Variants in RAB10 observed in about 807,000 individuals in gnomAD.
RAB10 encodes RAB10, member RAS oncogene family, also known as ras-related protein Rab-10.
In RAB10, 5 loss-of-function variants were observed where a neutral mutation model predicts 25.7. The observed-to-expected ratio is 0.19, with a 90% confidence interval of 0.10 to 0.41. The LOEUF is 0.41. RAB10 is among the 10% of genes least tolerant of loss of function. The pLI is 1.00. For missense variants in RAB10, 103 were observed against 245.8 expected (o/e 0.42, Z 3.89); for synonymous variants, 89 against 86.4 (o/e 1.03, Z -0.16).
intron 3 of RAB10, among the ~76,000 whole-genome samples, chr2:26,122,420 A>T (rs1667823408): frequency 1.3e-5 from 2 of 152,178 alleles, no homozygotes; most frequent in Admixed American, 6.5e-5. Flanking sequence ...CGAGGTCAGG[A>T]GATCGAGACC....
At chr2:26,089,439 G>T (rs1268774218) in intron 1 of RAB10, among the ~76,000 whole-genome samples, 1 of 145,660 alleles carries the variant, frequency 6.9e-6, no homozygotes, top group Admixed American at 6.9e-5. Flanking sequence ...AAAAAAAAAA[G>T]AGAGAGTGAT....
chr2:26,098,123 T>TTTTTTTTTTTTTTTTTTTTTTG, intron 1 of RAB10, among the ~76,000 whole-genome samples: 1 of 132,196 alleles, frequency 7.6e-6, no homozygotes, highest in Non-Finnish European at 1.6e-5. Flanking sequence ...TTTTTTTTTT[T>TTTTTTTTTTTTTTTTTTTTTTG]TTTTTTTTTT....
chr2:26,116,562 T>TG (rs1667692964), intron 3 of RAB10, among the ~76,000 whole-genome samples: 1 of 132,420 alleles, frequency 7.6e-6, no homozygotes, highest in Non-Finnish European at 1.7e-5. Flanking sequence ...TTTTTTTTTT[T>TG]TTTTTTTTTT....
chr2:26,135,087 A>T lies in RAB10; in HGVS notation c.*66A>T. The T allele has an allele frequency of 1.5e-6, 2 of 1,299,990 alleles. No homozygotes were observed. Among genetic ancestry groups the T allele is most frequent in the Non-Finnish European group, 1.1e-6 (1 of 922,966 alleles). The allele number at this position is 1,299,990 out of a possible 1,614,324, so 80.5% of individuals were successfully genotyped here. A position where few individuals can be genotyped will look rare whatever the true frequency, so the allele number is the denominator to read the frequency against. On this transcript the variant is annotated 3_prime_UTR_variant, in exon 6 of 6. Transcript: ENST00000264710. Reference sequence around the variant, plus strand: ...TTCTCTTCTTGCTGCAAAATAAACCACTCTGTCCATTTTTAACTCTAAACA... The same window carrying T: ...TTCTCTTCTTGCTGCAAAATAAACCTCTCTGTCCATTTTTAACTCTAAACA...
intron 1 of RAB10, among the ~76,000 whole-genome samples, chr2:26,040,993 C>T (rs751315385): frequency 6.6e-6 from 1 of 151,198 alleles, no homozygotes; most frequent in Non-Finnish European, 1.5e-5. Context: ...AAAACGAATC[C>T]AAGGGCACCA....
chr2:26,070,156 G>A (rs148235406), intron 1 of RAB10, among the ~76,000 whole-genome samples: 165 of 152,342 alleles, frequency 1.1e-3, no homozygotes, highest in East Asian at 7.3e-3. Flanking sequence ...GAAATTATGC[G>A]TCCTTGGCTT....
chr2:26,065,239 A>C (rs76535621), intron 1 of RAB10, among the ~76,000 whole-genome samples: 1 of 152,118 alleles, frequency 6.6e-6, no homozygotes, highest in Non-Finnish European at 1.5e-5. Context: ...GAAAAAAAAA[A>C]CATGACCCAG....
chr2:26,086,003 A>G (rs59048078), intron 1 of RAB10, among the ~76,000 whole-genome samples: 2 of 141,962 alleles, frequency 1.4e-5, no homozygotes, highest in Middle Eastern at 3.3e-3. Flanking sequence ...GTCTCCAAAA[A>G]AAAAAAAAAA....
intron 1 of RAB10, among the ~76,000 whole-genome samples, chr2:26,057,027 A>G (rs1666281704): frequency 6.6e-6 from 1 of 152,144 alleles, no homozygotes; most frequent in Non-Finnish European, 1.5e-5. Context: ...TATGCCACGT[A>G]TTTCTGGTAC....
At chr2:26,078,062 TTAAAG>T (rs1341712341) in intron 1 of RAB10, among the ~76,000 whole-genome samples, 10 of 151,976 alleles carry the variant, frequency 6.6e-5, no homozygotes, top group Admixed American at 6.6e-5. Flanking sequence ...CATCCAAAAA[TTAAAG>T]TAAGACAATT....
At chr2:26,034,845 C>A in intron 1 of RAB10, 110 bp downstream of exon 1, 1 of 1,432,970 alleles carries the variant, frequency 7.0e-7, no homozygotes, top group Non-Finnish European at 9.6e-7. Context: ...GATTCCGATT[C>A]CAAACGACAC....
At chr2:26,105,235 G>A (rs925150497) in intron 2 of RAB10, among the ~76,000 whole-genome samples, 3 of 152,134 alleles carry the variant, frequency 2.0e-5, no homozygotes, top group Non-Finnish European at 2.9e-5. Context: ...TGTGGAGAAC[G>A]GCAGTCCATC....
At chr2:26,033,409 T>C (rs1383513666), upstream of RAB10, among the ~76,000 whole-genome samples, 2 of 152,348 alleles carry the variant, frequency 1.3e-5, no homozygotes, top group East Asian at 3.9e-4. Context: ...AGGAAGAGGT[T>C]GTGAGGATTA....
intron 1 of RAB10, among the ~76,000 whole-genome samples, chr2:26,057,177 A>G (rs1378813815): frequency 6.6e-6 from 1 of 152,160 alleles, no homozygotes. Flanking sequence ...TTTGTATGTT[A>G]TGTCTGGGAG....
intron 1 of RAB10, among the ~76,000 whole-genome samples, chr2:26,052,229 A>G (rs1666154253): frequency 6.6e-6 from 1 of 150,660 alleles, no homozygotes; most frequent in African/African-American, 2.5e-5. Context: ...AAATTTAAAA[A>G]AAGAAAAGTA....
chr2:26,097,312 C>T (rs150554284), intron 1 of RAB10, among the ~76,000 whole-genome samples: 2,457 of 152,236 alleles, frequency 0.016, 70 homozygotes, highest in African/African-American at 0.056. Flanking sequence ...CTCACTCTGT[C>T]GCCCAGGCTG....
intron 3 of RAB10, among the ~76,000 whole-genome samples, chr2:26,117,606 C>T (rs1273947484): frequency 1.5e-5 from 2 of 131,702 alleles, no homozygotes; most frequent in Non-Finnish European, 3.1e-5. Flanking sequence ...GGCGACAGAG[C>T]GAGACTCCGT....
At chr2:26,067,799 CTG>C (rs1666543953) in intron 1 of RAB10, among the ~76,000 whole-genome samples, 2 of 152,192 alleles carry the variant, frequency 1.3e-5, no homozygotes, top group South Asian at 4.1e-4. Context: ...AATTCAATGT[CTG>C]TGAAACCATC....
At chr2:26,040,997 G>A (rs1016594920) in intron 1 of RAB10, among the ~76,000 whole-genome samples, 1 of 151,214 alleles carries the variant, frequency 6.6e-6, no homozygotes, top group Admixed American at 6.6e-5. Flanking sequence ...CGAATCCAAG[G>A]GCACCAGAAT....
Sources: allele counts gnomAD v4.1 joint callset (sites outside exome capture counted in the v4.1 genomes callset), GRCh38; gene constraint gnomAD v4.1.1; transcripts MANE v1.5; gene names NCBI Gene and HGNC (gene_info 2026-07-23, HGNC 2026-07-21).